Variants in BABAM2 observed in about 807,000 individuals in gnomAD.
BABAM2 encodes the protein BRISC and BRCA1 A complex member 2, also known as BRISC and BRCA1-A complex member 2.
BABAM2 carries 31 observed loss-of-function variants against 54.7 expected under a neutral mutation model. The ratio of observed to expected loss-of-function variants is 0.57; its 90% CI spans 0.43 to 0.77. The LOEUF (loss-of-function observed/expected upper bound fraction) is 0.77, where lower values mean the gene tolerates loss of function less well. BABAM2 is among the 30% of genes least tolerant of loss of function. BABAM2 has a pLI of 0.00. For synonymous variants in BABAM2, 167 were observed against 162.9 expected, an observed-to-expected ratio of 1.03 and a Z score of -0.19; for missense variants, 364 against 455.8, an observed-to-expected ratio of 0.80 and a Z score of 1.83.
chr2:27,970,393 T>C (rs1283806984), intron 3 of BABAM2, among the ~76,000 whole-genome samples: 4 of 152,228 alleles, frequency 2.6e-5, no homozygotes, highest in Non-Finnish European at 5.9e-5. Context: ...TGTCAACCCT[T>C]TATTTAATCT....
At chr2:28,170,757 G>C (rs1426690828) in intron 7 of BABAM2, among the ~76,000 whole-genome samples, 1 of 152,076 alleles carries the variant, frequency 6.6e-6, no homozygotes, top group Non-Finnish European at 1.5e-5. Flanking sequence ...CATTCTAAGA[G>C]ATTAAACAAA....
chr2:27,989,815 A>T (rs998211466), intron 4 of BABAM2, among the ~76,000 whole-genome samples: 10 of 152,194 alleles, frequency 6.6e-5, no homozygotes, highest in Non-Finnish European at 4.4e-5. Flanking sequence ...TTGAAATTGC[A>T]TTTAAAATTC....
At chr2:27,996,567 G>A (rs76909019) in intron 4 of BABAM2, 1,583 of 154,108 alleles carry the variant, frequency 0.01, 23 homozygotes, top group African/African-American at 0.036. Context: ...TTTCAGAGGC[G>A]TTTTCTTAAT....
At chr2:28,324,852 T>C (rs1690315312) in intron 11 of BABAM2, among the ~76,000 whole-genome samples, 1 of 152,150 alleles carries the variant, frequency 6.6e-6, no homozygotes, top group Non-Finnish European at 1.5e-5. Flanking sequence ...TGATCGTAGA[T>C]TTATTTTTGG....
At chr2:28,068,983 C>T (rs1030958388) in intron 6 of BABAM2, among the ~76,000 whole-genome samples, 1 of 152,152 alleles carries the variant, frequency 6.6e-6, no homozygotes, top group Non-Finnish European at 1.5e-5. Context: ...AGCTTAATTA[C>T]ATTTTCACTT....
chr2:28,184,645 C>G (rs1676082649), intron 7 of BABAM2, among the ~76,000 whole-genome samples: 1 of 152,084 alleles, frequency 6.6e-6, no homozygotes, highest in South Asian at 2.1e-4. Flanking sequence ...CTACAAAGGA[C>G]ATGAACTCAT....
At chr2:27,975,082 A>G (rs938642422) in intron 3 of BABAM2, among the ~76,000 whole-genome samples, 16 of 152,100 alleles carry the variant, frequency 1.1e-4, no homozygotes, top group African/African-American at 1.7e-4. Context: ...CTCAATAAAT[A>G]CAGAGATATA....
At chr2:28,057,330 T>C (rs1678508253) in intron 6 of BABAM2, among the ~76,000 whole-genome samples, 1 of 152,230 alleles carries the variant, frequency 6.6e-6, no homozygotes, top group Non-Finnish European at 1.5e-5. Flanking sequence ...AGCCAATGTG[T>C]AGACTTAATC....
intron 10 of BABAM2, among the ~76,000 whole-genome samples, chr2:28,286,008 T>G (rs1686766027): frequency 6.7e-6 from 1 of 149,188 alleles, no homozygotes; most frequent in Non-Finnish European, 1.5e-5. Flanking sequence ...CAGGCTGGAG[T>G]GCAGTGGTAC....
At chr2:28,122,268 A>G (rs918082127) in intron 6 of BABAM2, among the ~76,000 whole-genome samples, 2 of 152,128 alleles carry the variant, frequency 1.3e-5, no homozygotes, top group Non-Finnish European at 2.9e-5. Flanking sequence ...TGGTTACTCG[A>G]GGAATTACAC....
chr2:27,972,916 A>G (rs1671326509), intron 3 of BABAM2, among the ~76,000 whole-genome samples: 1 of 150,298 alleles, frequency 6.7e-6, no homozygotes, highest in Non-Finnish European at 1.5e-5. Context: ...ACAGGCGCGC[A>G]CCCCCACACC....
intron 10 of BABAM2, among the ~76,000 whole-genome samples, chr2:28,286,740 G>A (rs1296006470): frequency 2.6e-5 from 4 of 152,168 alleles, no homozygotes; most frequent in Non-Finnish European, 5.9e-5. Context: ...CATGGTGGTT[G>A]ACACCTCTGT....
At chr2:28,228,289 A>G (rs1287982859) in intron 7 of BABAM2, among the ~76,000 whole-genome samples, 2 of 152,214 alleles carry the variant, frequency 1.3e-5, no homozygotes, top group Non-Finnish European at 2.9e-5. Context: ...AATAGAAATC[A>G]GGTAGATACC....
intron 3 of BABAM2, among the ~76,000 whole-genome samples, chr2:27,972,558 G>A (rs546116872): frequency 6.6e-6 from 1 of 152,100 alleles, no homozygotes; most frequent in Non-Finnish European, 1.5e-5. Flanking sequence ...GCCACATGTG[G>A]TGATGGAGTC....
chr2:27,976,584 GCATGAAGA>G (rs1274762247), intron 3 of BABAM2, among the ~76,000 whole-genome samples: 2 of 152,150 alleles, frequency 1.3e-5, no homozygotes, highest in Non-Finnish European at 2.9e-5. Context: ...CACAGGGATA[GCATGAAGA>G]CATATTGGAG....
chr2:28,255,349 C>T (rs1419835802), intron 10 of BABAM2, among the ~76,000 whole-genome samples: 1 of 152,130 alleles, frequency 6.6e-6, no homozygotes, highest in Non-Finnish European at 1.5e-5. Flanking sequence ...TCTCAGCTCA[C>T]TGCAACTTCA....
intron 3 of BABAM2, among the ~76,000 whole-genome samples, chr2:27,960,660 C>A (rs1324162927): frequency 6.6e-6 from 1 of 152,072 alleles, no homozygotes; most frequent in Non-Finnish European, 1.5e-5. Context: ...TTTTAATCTT[C>A]CAACAACTTT....
intron 3 of BABAM2, among the ~76,000 whole-genome samples, chr2:27,937,361 C>T (rs1161465311): frequency 2.0e-5 from 3 of 152,130 alleles, no homozygotes; most frequent in South Asian, 2.1e-4. Flanking sequence ...CTCCTGACCT[C>T]GAGATCTGCC....
chr2:28,243,406 C>T (rs1188670919), intron 9 of BABAM2, among the ~76,000 whole-genome samples: 1 of 152,074 alleles, frequency 6.6e-6, no homozygotes, highest in Non-Finnish European at 1.5e-5. Context: ...GTGGCGGGTG[C>T]CTGTAATCCC....
Sources: allele counts gnomAD v4.1 joint callset (sites outside exome capture counted in the v4.1 genomes callset), GRCh38; gene constraint gnomAD v4.1.1; transcripts MANE v1.5; gene names NCBI Gene and HGNC (gene_info 2026-07-23, HGNC 2026-07-21).